ARHGAP15: variants seen among roughly 807,000 people sequenced by gnomAD.
The protein encoded by ARHGAP15 is rho GTPase-activating protein 15.
A neutral mutation model predicts 63.7 loss-of-function variants in ARHGAP15; 51 were observed. That is an observed-to-expected ratio of 0.80 (90% CI 0.64 to 1.01). The LOEUF (loss-of-function observed/expected upper bound fraction) is 1.01, where lower values mean the gene tolerates loss of function less well. ARHGAP15 is among the 50% of genes least tolerant of loss of function. The pLI is 0.00. For missense variants in ARHGAP15, 560 were observed against 564.6 expected (o/e 0.99, Z 0.08); for synonymous variants, 191 against 193.8 (o/e 0.99, Z 0.12).
At chr2:143,138,385 T>C (rs1022690154) in intron 1 of ARHGAP15, among the ~76,000 whole-genome samples, 2 of 152,110 alleles carry the variant, frequency 1.3e-5, no homozygotes, top group African/African-American at 4.8e-5. Context: ...TGCCATGCGA[T>C]AATTTTGAAG....
chr2:143,513,237 C>T (rs899529861), intron 9 of ARHGAP15, among the ~76,000 whole-genome samples: 1 of 152,140 alleles, frequency 6.6e-6, no homozygotes, highest in Admixed American at 6.5e-5. Flanking sequence ...CAGTTTTTCC[C>T]TTGTGAGGGA....
intron 6 of ARHGAP15, among the ~76,000 whole-genome samples, chr2:143,431,473 G>T (rs767788586): frequency 5.9e-5 from 9 of 152,020 alleles, no homozygotes; most frequent in Non-Finnish European, 1.2e-4. Context: ...ATACCAAGTG[G>T]TGGTATTCAT....
At chr2:143,519,504 T>A (rs2104983879) in intron 10 of ARHGAP15, 140 bp downstream of exon 10, 1 of 535,592 alleles carries the variant, frequency 1.9e-6, no homozygotes, top group East Asian at 3.5e-5. Context: ...AAGAGGATCA[T>A]CTTTCTTATT....
chr2:143,599,882 T>G (rs1697695950), intron 11 of ARHGAP15, among the ~76,000 whole-genome samples: 1 of 152,178 alleles, frequency 6.6e-6, no homozygotes, highest in Admixed American at 6.6e-5. Context: ...AATTCAGGTG[T>G]TTTTCTTAAC....
At chr2:143,716,420 TAC>T (rs1251532104) in intron 13 of ARHGAP15, among the ~76,000 whole-genome samples, 2 of 152,246 alleles carry the variant, frequency 1.3e-5, no homozygotes, top group Non-Finnish European at 2.9e-5. Flanking sequence ...AATTTATTTC[TAC>T]ATCTTCTGTC....
At chr2:143,338,987 T>G (rs1684933102) in intron 6 of ARHGAP15, among the ~76,000 whole-genome samples, 1 of 152,172 alleles carries the variant, frequency 6.6e-6, no homozygotes, top group African/African-American at 2.4e-5. Flanking sequence ...CAAGAAAGAA[T>G]GCCATAACAA....
chr2:143,409,400 T>G (rs1161934477), intron 6 of ARHGAP15, among the ~76,000 whole-genome samples: 1 of 152,052 alleles, frequency 6.6e-6, no homozygotes, highest in Non-Finnish European at 1.5e-5. Flanking sequence ...CACAGTCATA[T>G]TAGAAGTGTT....
At chr2:143,386,434 A>T (rs1558936796) in intron 6 of ARHGAP15, among the ~76,000 whole-genome samples, 1 of 152,174 alleles carries the variant, frequency 6.6e-6, no homozygotes. Flanking sequence ...GAGAAAGCAC[A>T]ACTTGTCTTG....
intron 8 of ARHGAP15, among the ~76,000 whole-genome samples, chr2:143,477,192 A>G (rs200160602): frequency 7.7e-5 from 10 of 129,622 alleles, no homozygotes; most frequent in South Asian, 5.3e-4. Flanking sequence ...ACATGCTCGC[A>G]CACACACACA....
intron 2 of ARHGAP15, among the ~76,000 whole-genome samples, chr2:143,186,712 C>A (rs1691462940): frequency 3.9e-5 from 6 of 152,186 alleles, no homozygotes; most frequent in Admixed American, 3.9e-4. Flanking sequence ...AATCATTACT[C>A]TATGTGACTG....
chr2:143,225,607 AAAAACAAAAC>A (rs148636064), intron 4 of ARHGAP15, among the ~76,000 whole-genome samples: 24,480 of 151,958 alleles, frequency 0.16, 2,103 homozygotes, highest in Middle Eastern at 0.24. Flanking sequence ...CTCCGTCTCA[AAAAACAAAAC>A]AAAACAAAAC....
At chr2:143,513,354 T>C (rs916649997) in intron 9 of ARHGAP15, among the ~76,000 whole-genome samples, 6 of 152,188 alleles carry the variant, frequency 3.9e-5, no homozygotes, top group African/African-American at 1.2e-4. Context: ...CCCAGCTCCG[T>C]GGCAATAAAA....
chr2:143,543,954 C>G (rs1174064647), intron 10 of ARHGAP15, among the ~76,000 whole-genome samples: 2 of 152,120 alleles, frequency 1.3e-5, no homozygotes, highest in Non-Finnish European at 2.9e-5. Context: ...GCTAATCTTT[C>G]TACTTTATAT....
At chr2:143,457,595 ATATAT>A (rs1175243278) in intron 8 of ARHGAP15, among the ~76,000 whole-genome samples, 4 of 150,382 alleles carry the variant, frequency 2.7e-5, no homozygotes, top group African/African-American at 9.7e-5. Flanking sequence ...GTTGACTAAT[ATATAT>A]TATAATTTAT....
intron 9 of ARHGAP15, among the ~76,000 whole-genome samples, chr2:143,488,333 A>G (rs1446872972): frequency 2.0e-5 from 3 of 152,226 alleles, no homozygotes; most frequent in Admixed American, 6.5e-5. Context: ...CATTGTTGTT[A>G]TCACTGTTAG....
chr2:143,615,861 CTGTT>C (rs1208362965), intron 11 of ARHGAP15, among the ~76,000 whole-genome samples: 2 of 152,076 alleles, frequency 1.3e-5, no homozygotes, highest in Admixed American at 6.6e-5. Flanking sequence ...AATTCAGAAT[CTGTT>C]TGGAGAAGAT....
intron 12 of ARHGAP15, among the ~76,000 whole-genome samples, chr2:143,649,168 A>ATTC (rs1681041521): frequency 6.6e-6 from 1 of 151,774 alleles, no homozygotes. Flanking sequence ...TTCTTCTATC[A>ATTC]TTCATCATCA....
At chr2:143,594,448 G>T (rs1420399507) in intron 11 of ARHGAP15, among the ~76,000 whole-genome samples, 1 of 152,118 alleles carries the variant, frequency 6.6e-6, no homozygotes, top group Non-Finnish European at 1.5e-5. Context: ...GGCCTATTTG[G>T]TATGGTCTTT....
intron 8 of ARHGAP15, among the ~76,000 whole-genome samples, chr2:143,454,582 G>T (rs768963755): frequency 6.6e-6 from 1 of 152,020 alleles, no homozygotes; most frequent in Non-Finnish European, 1.5e-5. Flanking sequence ...GGCAACTCAG[G>T]CTCAACCAGA....
Sources: allele counts gnomAD v4.1 joint callset (sites outside exome capture counted in the v4.1 genomes callset), GRCh38; gene constraint gnomAD v4.1.1; transcripts MANE v1.5; gene names NCBI Gene and HGNC (gene_info 2026-07-23, HGNC 2026-07-21).